Variants in HNF4G observed in about 807,000 individuals in gnomAD.
HNF4G encodes the protein hepatocyte nuclear factor 4-gamma.
In HNF4G, 21 loss-of-function variants were observed where a neutral mutation model predicts 50.9. The observed-to-expected ratio is 0.41, with a 90% CI of 0.29 to 0.59. HNF4G has a LOEUF of 0.59. Ranked by LOEUF, HNF4G falls within the 20% of genes least tolerant of loss-of-function variation. The probability of loss-of-function intolerance (pLI) is 0.26; values close to 1 mark genes in which losing one functional copy is unlikely to be tolerated. For missense variants in HNF4G, 527 were observed against 559.4 expected (o/e 0.94, Z 0.58); for synonymous variants, 198 against 185.6 (o/e 1.07, Z -0.54).
At chr8:75,459,622 TC>T (rs1811799909) in intron 1 of HNF4G, among the ~76,000 whole-genome samples, 1 of 152,328 alleles carries the variant, frequency 6.6e-6, no homozygotes, top group African/African-American at 2.4e-5. Context: ...ACAAGTGAAC[TC>T]TGCTATATCC....
intron 2 of HNF4G, among the ~76,000 whole-genome samples, chr8:75,513,499 AG>A (rs1247093676): frequency 3.3e-5 from 5 of 152,308 alleles, no homozygotes; most frequent in Admixed American, 6.5e-5. Flanking sequence ...ATTATTTTTG[AG>A]TATCTACTAT....
intron 9 of HNF4G, among the ~76,000 whole-genome samples, chr8:75,563,422 T>A (rs1357286464): frequency 1.0e-5 from 1 of 99,572 alleles, no homozygotes; most frequent in Non-Finnish European, 2.1e-5. Context: ...AATAGAATAA[T>A]TTTGAAGCAA....
At chr8:75,499,134 GA>G (rs1351421338) in intron 2 of HNF4G, among the ~76,000 whole-genome samples, 2 of 152,066 alleles carry the variant, frequency 1.3e-5, no homozygotes, top group Non-Finnish European at 2.9e-5. Flanking sequence ...AAAGCCCCAA[GA>G]AATCCCTCAG....
chr8:75,430,502 G>GA (rs1491112429), intron 1 of HNF4G, among the ~76,000 whole-genome samples: 21 of 143,576 alleles, frequency 1.5e-4, no homozygotes, highest in African/African-American at 5.4e-4. Context: ...GAGAGAGAGA[G>GA]GGAGAGAGAG....
intron 4 of HNF4G, among the ~76,000 whole-genome samples, chr8:75,552,804 G>A (rs1403049860): frequency 6.6e-6 from 1 of 151,996 alleles, no homozygotes; most frequent in Non-Finnish European, 1.5e-5. Flanking sequence ...TGTTCCCAGA[G>A]GATGGTGCTA....
chr8:75,419,869 T>A (rs956121433), intron 1 of HNF4G, among the ~76,000 whole-genome samples: 1 of 152,256 alleles, frequency 6.6e-6, no homozygotes, highest in African/African-American at 2.4e-5. Flanking sequence ...CTATTTAACT[T>A]CTTTGTGCTT....
At chr8:75,547,484 T>G (rs2130795006) in intron 2 of HNF4G, 103 bp from the exon 3 acceptor site, 1 of 833,212 alleles carries the variant, frequency 1.2e-6, no homozygotes, top group South Asian at 1.6e-5. Context: ...CTTCTTTTTA[T>G]CGAACCGAAT....
chr8:75,417,497 C>G (rs931406979), intron 1 of HNF4G, among the ~76,000 whole-genome samples: 2 of 152,132 alleles, frequency 1.3e-5, no homozygotes, highest in Non-Finnish European at 2.9e-5. Flanking sequence ...TAAATAGGAA[C>G]CAAGGCCATT....
chr8:75,410,216 T>C lies in HNF4G; in HGVS notation c.-144+2054T>C, dbSNP rs1585816917. Among the ~76,000 whole-genome samples the C allele has an allele frequency of 2.0e-5, 3 of 152,188 alleles. No individual in the cohort carries two copies. The South Asian group carries it at 6.2e-4, about 31-fold the overall frequency. The stretch of plus-strand genomic sequence containing the variant: ...TGCATGGGTACTGCTGAATATTTAT[T>C]CTGAGAAGAGAATTGTTGGCACCAG... On this transcript the variant is annotated intron_variant, in intron 1 of 10. Coordinates refer to the HNF4G transcript ENST00000354370.
At chr8:75,505,697 A>AAC (rs919997875) in intron 2 of HNF4G, among the ~76,000 whole-genome samples, 2 of 152,086 alleles carry the variant, frequency 1.3e-5, no homozygotes, top group Admixed American at 6.5e-5. Flanking sequence ...CAAAAAAAAA[A>AAC]ACATAATACA....
At chr8:75,443,224 C>T (rs1327698777) in intron 1 of HNF4G, among the ~76,000 whole-genome samples, 1 of 152,126 alleles carries the variant, frequency 6.6e-6, no homozygotes, top group African/African-American at 2.4e-5. Flanking sequence ...GACTTCCCAG[C>T]CTCCAGAACT....
chr8:75,534,052 A>G (rs2130771596), intron 2 of HNF4G, among the ~76,000 whole-genome samples: 1 of 152,002 alleles, frequency 6.6e-6, no homozygotes, highest in East Asian at 1.9e-4. Flanking sequence ...ATACCTCTTC[A>G]GAACAGATTT....
chr8:75,462,903 T>C (rs1216882819), intron 1 of HNF4G, among the ~76,000 whole-genome samples: 1 of 152,162 alleles, frequency 6.6e-6, no homozygotes, highest in Non-Finnish European at 1.5e-5. Context: ...ATGTTGTACT[T>C]AGATGTTATA....
At chr8:75,543,404 T>A (rs534174223) in intron 1 of HNF4G, among the ~76,000 whole-genome samples, 99 of 152,234 alleles carry the variant, frequency 6.5e-4, no homozygotes, top group Admixed American at 5.3e-3. Context: ...AAGACTTTTG[T>A]TTTTGATATG....
At chr8:75,511,045 C>G (rs1805736671) in intron 2 of HNF4G, among the ~76,000 whole-genome samples, 1 of 151,808 alleles carries the variant, frequency 6.6e-6, no homozygotes, top group Non-Finnish European at 1.5e-5. Flanking sequence ...ATGGTTTGTG[C>G]TTTTTGCATC....
At chr8:75,554,935 C>A (rs1188854742) in intron 5 of HNF4G, among the ~76,000 whole-genome samples, 1 of 152,136 alleles carries the variant, frequency 6.6e-6, no homozygotes, top group East Asian at 1.9e-4. Flanking sequence ...GAAAGCACTC[C>A]AGATACAGGA....
At chr8:75,537,843 T>TC (rs35692955), upstream of HNF4G, among the ~76,000 whole-genome samples, 8,088 of 152,178 alleles carry the variant, frequency 0.053, 286 homozygotes, top group Non-Finnish European at 0.079. Flanking sequence ...AGCATCCATA[T>TC]CCCCCTATGT....
chr8:75,562,904 C>A (rs1327461230), intron 9 of HNF4G, among the ~76,000 whole-genome samples: 3 of 152,066 alleles, frequency 2.0e-5, no homozygotes, highest in Non-Finnish European at 4.4e-5. Context: ...TAGATCTGGT[C>A]TAAATAGCCA....
chr8:75,529,518 A>G (rs565217194), intron 2 of HNF4G, among the ~76,000 whole-genome samples: 1 of 152,298 alleles, frequency 6.6e-6, no homozygotes, highest in African/African-American at 2.4e-5. Context: ...TCTCAAAAAT[A>G]TAAGCCTAGG....
Sources: gnomAD v4.1 joint callset for allele counts (sites outside exome capture counted in the v4.1 genomes callset) on GRCh38, gnomAD v4.1.1 for gene constraint, MANE v1.5 for transcripts, NCBI Gene and HGNC (gene_info 2026-07-23, HGNC 2026-07-21) for gene names.